ADAM32: variants seen among roughly 807,000 people sequenced by gnomAD.
ADAM32 encodes the protein ADAM metallopeptidase domain 32.
Under a neutral mutation model 114.9 loss-of-function variants are expected in ADAM32, and 89 were observed. The ratio of observed to expected loss-of-function variants is 0.77; its 90% CI spans 0.65 to 0.92. The LOEUF is 0.92. Among genes scored for constraint, ADAM32 ranks in the 40% least tolerant of loss-of-function variants. The pLI, the probability that ADAM32 is intolerant of heterozygous loss-of-function variation, is 0.00. For missense variants in ADAM32, 870 were observed against 932.8 expected, an observed-to-expected ratio of 0.93 and a Z score of 0.88; for synonymous variants, 285 against 307.5, an observed-to-expected ratio of 0.93 and a Z score of 0.77.
intron 3 of ADAM32, among the ~76,000 whole-genome samples, chr8:39,137,643 C>T (rs1489074273): frequency 6.6e-6 from 1 of 151,670 alleles, no homozygotes; most frequent in Non-Finnish European, 1.5e-5. Flanking sequence ...TGGTGGCGTG[C>T]GCCTGTAATC....
chr8:39,176,909 C>T (rs907246446), intron 10 of ADAM32, among the ~76,000 whole-genome samples: 2 of 152,144 alleles, frequency 1.3e-5, no homozygotes, highest in African/African-American at 4.8e-5. Flanking sequence ...GTTAGCTCTT[C>T]TTATTGAATT....
At chr8:39,142,725 A>G (rs1369557339) in intron 3 of ADAM32, among the ~76,000 whole-genome samples, 1 of 151,776 alleles carries the variant, frequency 6.6e-6, no homozygotes, top group East Asian at 1.9e-4. Flanking sequence ...TGTTCTTTGT[A>G]TTTTCTGAAT....
At chr8:39,132,294 G>A (rs4733980) in intron 2 of ADAM32, among the ~76,000 whole-genome samples, 40,746 of 152,144 alleles carry the variant, frequency 0.27, 5,665 homozygotes, top group Middle Eastern at 0.34. Context: ...TATTTATATG[G>A]TTGAATTTAT....
rs1585404061 is a variant in ADAM32, at chr8:39,149,789, A to G, written c.277-2A>G. 3 of 1,606,956 alleles carry G rather than the reference A, an allele frequency of 1.9e-6. No individual in the cohort carries two copies. Among genetic ancestry groups the G allele is most frequent in the African/African-American group, 1.3e-5 (1 of 74,772 alleles). ...GACTACTTTACTTTTTTTCTTTCCT[A>G]GACTCAATGCTACTATCAAGGAAAT... is the stretch of plus-strand genomic sequence containing the variant. On this transcript the variant is annotated splice_acceptor_variant, in intron 4 of 24. Transcript: ENST00000379907. LOFTEE classifies it high-confidence loss of function.
chr8:39,153,747 C>A (rs1285181447), intron 6 of ADAM32, among the ~76,000 whole-genome samples: 1 of 152,152 alleles, frequency 6.6e-6, no homozygotes, highest in Non-Finnish European at 1.5e-5. Flanking sequence ...CCTGGGAGAA[C>A]TTTATTAGTA....
At chr8:39,144,479 G>T (rs1165803416) in intron 3 of ADAM32, among the ~76,000 whole-genome samples, 1 of 152,262 alleles carries the variant, frequency 6.6e-6, no homozygotes, top group Non-Finnish European at 1.5e-5. Flanking sequence ...ACAGACCTGA[G>T]TCAGGTATTA....
chr8:39,203,054 A>G (rs1439042088), intron 11 of ADAM32, among the ~76,000 whole-genome samples: 1 of 152,158 alleles, frequency 6.6e-6, no homozygotes, highest in Admixed American at 6.5e-5. Context: ...ACTTCCAACT[A>G]TGTGGTCAAT....
intron 2 of ADAM32, among the ~76,000 whole-genome samples, chr8:39,127,915 C>T (rs536396655): frequency 6.1e-4 from 93 of 152,174 alleles, no homozygotes; most frequent in African/African-American, 2.1e-3. Context: ...TTCTTGATTT[C>T]TGCTTTGATT....
intron 19 of ADAM32, among the ~76,000 whole-genome samples, chr8:39,268,283 A>C (rs548000294): frequency 6.6e-6 from 1 of 152,092 alleles, no homozygotes; most frequent in Non-Finnish European, 1.5e-5. Flanking sequence ...AACTTTACCA[A>C]TTCTGATATT....
intron 16 of ADAM32, among the ~76,000 whole-genome samples, chr8:39,243,091 A>G (rs139864922): frequency 7.5e-4 from 114 of 152,282 alleles, no homozygotes; most frequent in Admixed American, 1.9e-3. Flanking sequence ...AGGAAGAAAT[A>G]GAAACTCTGA....
At chr8:39,205,681 GA>G (rs1274989624) in intron 11 of ADAM32, among the ~76,000 whole-genome samples, 1 of 152,230 alleles carries the variant, frequency 6.6e-6, no homozygotes, top group Non-Finnish European at 1.5e-5. Context: ...ACCTCAGTTT[GA>G]AATGCAGAAA....
chr8:39,141,572 T>C (rs1187101353), intron 3 of ADAM32, among the ~76,000 whole-genome samples: 1 of 152,214 alleles, frequency 6.6e-6, no homozygotes, highest in Non-Finnish European at 1.5e-5. Context: ...TTGTGATTTC[T>C]GTTCTTTTAC....
At chr8:39,114,417 A>G (rs1840291820) in intron 1 of ADAM32, among the ~76,000 whole-genome samples, 1 of 152,218 alleles carries the variant, frequency 6.6e-6, no homozygotes, top group South Asian at 2.1e-4. Flanking sequence ...TGTAGGAACC[A>G]GGGAAGAGGC....
intron 11 of ADAM32, among the ~76,000 whole-genome samples, chr8:39,200,144 G>A (rs1239869791): frequency 6.6e-6 from 1 of 152,124 alleles, no homozygotes; most frequent in Non-Finnish European, 1.5e-5. Flanking sequence ...CCCAGTAATG[G>A]GATGGCTGGG....
intron 14 of ADAM32, 36 bp downstream of exon 14, chr8:39,223,274 C>A: frequency 7.2e-7 from 1 of 1,396,330 alleles, no homozygotes; most frequent in Non-Finnish European, 9.6e-7. Context: ...TAGCCCTTAA[C>A]ATTGTTATTA....
intron 15 of ADAM32, 111 bp downstream of exon 15, chr8:39,232,246 A>G (rs913468912): frequency 1.2e-5 from 9 of 745,632 alleles, no homozygotes; most frequent in African/African-American, 7.3e-5. Context: ...ACATGTGCAT[A>G]GGAGTGAACC....
intron 6 of ADAM32, among the ~76,000 whole-genome samples, chr8:39,158,875 T>G (rs1804321991): frequency 1.3e-5 from 2 of 152,188 alleles, no homozygotes; most frequent in Non-Finnish European, 2.9e-5. Flanking sequence ...TTTTTATAAT[T>G]TCTATATTTT....
intron 11 of ADAM32, 25 bp downstream of exon 11, chr8:39,187,070 G>T: frequency 6.4e-7 from 1 of 1,567,616 alleles, no homozygotes; most frequent in Admixed American, 1.9e-5. Flanking sequence ...TTTATTTATT[G>T]CTTATGTTTA....
intron 18 of ADAM32, 62 bp downstream of exon 18, chr8:39,254,578 A>C: frequency 7.6e-7 from 1 of 1,312,038 alleles, no homozygotes; most frequent in Non-Finnish European, 1.0e-6. Context: ...ATCTTCACTA[A>C]AACAAAGTTC....
Sources: gnomAD v4.1 joint callset for allele counts (sites outside exome capture counted in the v4.1 genomes callset) on GRCh38, gnomAD v4.1.1 for gene constraint, MANE v1.5 for transcripts, NCBI Gene and HGNC (gene_info 2026-07-23, HGNC 2026-07-21) for gene names.